Variants in CAMKMT observed in about 807,000 individuals in gnomAD.
The protein encoded by CAMKMT is calmodulin-lysine N-methyltransferase, also known as CaM KMT.
Under a neutral mutation model 48.0 loss-of-function variants are expected in CAMKMT, and 53 were observed. The ratio of observed to expected loss-of-function variants is 1.10; its 90% CI spans 0.89 to 1.39. CAMKMT has a LOEUF of 1.39. CAMKMT is among the 40% of genes most tolerant of loss of function. CAMKMT has a pLI of 0.00. For missense variants in CAMKMT, 428 were observed against 402.7 expected, an observed-to-expected ratio of 1.06 and a Z score of -0.54; for synonymous variants, 165 against 152.3, an observed-to-expected ratio of 1.08 and a Z score of -0.61.
intron 3 of CAMKMT, among the ~76,000 whole-genome samples, chr2:44,402,612 T>A (rs979365538): frequency 6.6e-5 from 10 of 151,748 alleles, no homozygotes; most frequent in African/African-American, 2.4e-4. Flanking sequence ...GTCTGGAAAA[T>A]TTTTTTGAAT....
intron 3 of CAMKMT, among the ~76,000 whole-genome samples, chr2:44,550,128 G>A (rs892949816): frequency 6.6e-6 from 1 of 152,126 alleles, no homozygotes; most frequent in Non-Finnish European, 1.5e-5. Context: ...CACTGGGCGT[G>A]GTGATTCACA....
chr2:44,372,636 C>T (rs1679292792), intron 1 of CAMKMT, 80 bp from the exon 2 acceptor site: 2 of 1,317,544 alleles, frequency 1.5e-6, no homozygotes, highest in African/African-American at 3.0e-5. Context: ...CCCCTTACCA[C>T]TTAAATTTTG....
At chr2:44,768,883 C>A (rs1680980817) in intron 10 of CAMKMT, among the ~76,000 whole-genome samples, 1 of 152,152 alleles carries the variant, frequency 6.6e-6, no homozygotes, top group Admixed American at 6.5e-5. Flanking sequence ...ATCCTCTTAG[C>A]CCTACTGTGT....
chr2:44,686,499 A>T (rs1395658790), intron 3 of CAMKMT, among the ~76,000 whole-genome samples: 3 of 152,200 alleles, frequency 2.0e-5, no homozygotes, highest in Non-Finnish European at 4.4e-5. Context: ...GAAGTATAAG[A>T]TGTTAACAAT....
chr2:44,548,046 G>T (rs982158319), intron 3 of CAMKMT, among the ~76,000 whole-genome samples: 1 of 152,138 alleles, frequency 6.6e-6, no homozygotes, highest in Non-Finnish European at 1.5e-5. Context: ...TAGGGAGACA[G>T]AAGAAAGAAA....
chr2:44,531,319 C>G (rs188184947), intron 3 of CAMKMT, among the ~76,000 whole-genome samples: 1 of 152,026 alleles, frequency 6.6e-6, no homozygotes, highest in Admixed American at 6.6e-5. Context: ...ACTTACACAA[C>G]GTTTTATGTG....
At chr2:44,716,215 C>T (rs1678167804) in intron 7 of CAMKMT, among the ~76,000 whole-genome samples, 1 of 152,080 alleles carries the variant, frequency 6.6e-6, no homozygotes, top group Non-Finnish European at 1.5e-5. Context: ...TTTGAATTTT[C>T]CCTATGGTAA....
intron 3 of CAMKMT, among the ~76,000 whole-genome samples, chr2:44,592,922 A>T (rs1670394592): frequency 6.6e-6 from 1 of 152,232 alleles, no homozygotes; most frequent in South Asian, 2.1e-4. Context: ...ATAAATGTCA[A>T]TTAAGTTGGT....
At chr2:44,449,143 C>A (rs1336452013) in intron 3 of CAMKMT, among the ~76,000 whole-genome samples, 1 of 152,038 alleles carries the variant, frequency 6.6e-6, no homozygotes, top group Non-Finnish European at 1.5e-5. Flanking sequence ...TCTTAATAAA[C>A]CTGTTAAAGA....
In CAMKMT at chr2:44,596,456, G is replaced by GA. The variant is rs555034899; in HGVS notation, c.377-107821dup. On this transcript the variant is annotated intron_variant, in intron 3 of 10. Coordinates refer to ENST00000378494, the MANE Select transcript of CAMKMT (RefSeq NM_024766.5). ...AGAGCGAGACTCTGTCTCAAAAAAA[G>GA]AAAAAAGAAAAAAAAGAAAAGAAAG... Among the ~76,000 whole-genome samples the GA allele has an allele frequency of 6.8e-4, 102 of 149,966 alleles. 1 individual carries two copies. Among genetic ancestry groups the GA allele is most frequent in the African/African-American group, 2.4e-3 (98 of 40,852 alleles).
chr2:44,529,607 A>C (rs2104823115), intron 3 of CAMKMT, among the ~76,000 whole-genome samples: 1 of 152,320 alleles, frequency 6.6e-6, no homozygotes, highest in Admixed American at 6.5e-5. Context: ...GCCATTCTGC[A>C]GCAGCCCTTC....
chr2:44,475,793 A>G (rs1022560956), intron 3 of CAMKMT, among the ~76,000 whole-genome samples: 1 of 152,228 alleles, frequency 6.6e-6, no homozygotes, highest in Non-Finnish European at 1.5e-5. Flanking sequence ...TTGATTTACT[A>G]GAAGCATATG....
At chr2:44,526,138 GA>G in intron 3 of CAMKMT, among the ~76,000 whole-genome samples, 1 of 150,154 alleles carries the variant, frequency 6.7e-6, no homozygotes, top group East Asian at 2.0e-4. Flanking sequence ...CTATCACAAG[GA>G]CAAAAAACCT....
At chr2:44,436,137 G>A (rs931133616) in intron 3 of CAMKMT, among the ~76,000 whole-genome samples, 2 of 151,936 alleles carry the variant, frequency 1.3e-5, no homozygotes, top group African/African-American at 2.4e-5. Flanking sequence ...GTGCAGTGGC[G>A]CAATCTCAGC....
chr2:44,492,667 G>C (rs1669565044), intron 3 of CAMKMT, among the ~76,000 whole-genome samples: 1 of 151,838 alleles, frequency 6.6e-6, no homozygotes, highest in Non-Finnish European at 1.5e-5. Flanking sequence ...TTCACTGCTT[G>C]GTTTATCTTT....
intron 6 of CAMKMT, among the ~76,000 whole-genome samples, chr2:44,712,728 C>T (rs776139861): frequency 5.3e-5 from 8 of 152,220 alleles, no homozygotes; most frequent in East Asian, 1.9e-4. Flanking sequence ...AAGGTGGGTG[C>T]GGTTCAGAGA....
intron 2 of CAMKMT, among the ~76,000 whole-genome samples, chr2:44,383,405 C>T (rs919445361): frequency 4.6e-5 from 7 of 152,122 alleles, no homozygotes; most frequent in Admixed American, 3.3e-4. Flanking sequence ...TCTTGTGATC[C>T]GCCTGCCTCG....
intron 3 of CAMKMT, among the ~76,000 whole-genome samples, chr2:44,537,754 A>T (rs1347974854): frequency 6.6e-6 from 1 of 152,140 alleles, no homozygotes; most frequent in African/African-American, 2.4e-5. Context: ...GTAGAAACAG[A>T]GTCTTGCAAT....
chr2:44,399,708 C>T (rs1347603079), intron 3 of CAMKMT, among the ~76,000 whole-genome samples: 1 of 151,642 alleles, frequency 6.6e-6, no homozygotes, highest in Non-Finnish European at 1.5e-5. Flanking sequence ...CCCTTTCCTT[C>T]TGATTTCGTC....
Sources: allele counts gnomAD v4.1 joint callset (sites outside exome capture counted in the v4.1 genomes callset), GRCh38; gene constraint gnomAD v4.1.1; transcripts MANE v1.5; gene names NCBI Gene and HGNC (gene_info 2026-07-23, HGNC 2026-07-21).